The following EPHA6 variants were observed in gnomAD, a reference collection of about 807,000 sequenced individuals.
EPHA6 encodes the protein ephrin type-A receptor 6.
A neutral mutation model predicts 112.0 loss-of-function variants in EPHA6; 50 were observed. The ratio of observed to expected loss-of-function variants is 0.45; its 90% CI spans 0.36 to 0.56. The LOEUF (loss-of-function observed/expected upper bound fraction) is 0.56. EPHA6 is among the 20% of genes least tolerant of loss of function. The pLI is 0.00. For missense variants in EPHA6, 1,280 were observed against 1,417.4 expected (o/e 0.90, Z 1.56); for synonymous variants, 529 against 490.7 (o/e 1.08, Z -1.03).
At chr3:97,576,329 GT>G (rs1560153753) in intron 11 of EPHA6, among the ~76,000 whole-genome samples, 1 of 151,736 alleles carries the variant, frequency 6.6e-6, no homozygotes, top group African/African-American at 2.4e-5. Context: ...ACTTCTACTT[GT>G]CATGGGTATA....
intron 10 of EPHA6, among the ~76,000 whole-genome samples, chr3:97,498,775 A>T (rs1419690517): frequency 1.3e-5 from 2 of 152,134 alleles, no homozygotes; most frequent in Non-Finnish European, 2.9e-5. Context: ...CATGTGAGGG[A>T]CCTAGGTTGC....
chr3:97,181,789 T>C (rs2076995514), intron 3 of EPHA6, among the ~76,000 whole-genome samples: 2 of 152,092 alleles, frequency 1.3e-5, no homozygotes. Context: ...ATGGGAAAAC[T>C]AGATTTATAG....
At chr3:97,324,405 T>TTTTCTTTTCTTTC (rs1461599434) in intron 5 of EPHA6, among the ~76,000 whole-genome samples, 11 of 104,492 alleles carry the variant, frequency 1.1e-4, no homozygotes, top group Non-Finnish European at 1.5e-4. Context: ...GCTTTCCTTC[T>TTTTCTTTTCTTTC]TTTCTTTCTT....
intron 15 of EPHA6, among the ~76,000 whole-genome samples, chr3:97,734,816 C>A (rs1300137744): frequency 1.3e-5 from 2 of 151,956 alleles, no homozygotes; most frequent in Non-Finnish European, 2.9e-5. Flanking sequence ...TAAACACTTT[C>A]TTTTGTCTTT....
At chr3:97,508,396 A>T (rs573621301) in intron 10 of EPHA6, among the ~76,000 whole-genome samples, 2 of 152,204 alleles carry the variant, frequency 1.3e-5, no homozygotes, top group South Asian at 2.1e-4. Context: ...GAACTTATTT[A>T]TTTCTGCCTT....
intron 2 of EPHA6, among the ~76,000 whole-genome samples, chr3:96,916,866 A>G (rs1241321742): frequency 1.3e-5 from 2 of 152,194 alleles, no homozygotes; most frequent in Non-Finnish European, 1.5e-5. Flanking sequence ...AATAACCAAT[A>G]CAATTTGCAA....
intron 3 of EPHA6, among the ~76,000 whole-genome samples, chr3:97,026,879 G>A (rs2044657603): frequency 6.6e-6 from 1 of 152,112 alleles, no homozygotes; most frequent in Admixed American, 6.6e-5. Context: ...AGACACTGTG[G>A]TGATTCTTCA....
rs1420700181 is a variant in EPHA6, at chr3:96,987,384, G to A, written c.505G>A (p.Val169Ile). 6.2e-6 allele frequency: 10 copies of A among 1,613,712 alleles called. No homozygotes were observed. Among genetic ancestry groups the A allele is most frequent in the Admixed American group, 1.7e-5 (1 of 59,980 alleles). Residue 169 changes from valine (V) to isoleucine (I), a missense_variant, in exon 3 of 18, where the codon GTA becomes ATA. By Grantham distance (29) the Val-to-Ile change is conservative. Around this residue, in one of 4 missense-constraint regions of EPHA6, gnomAD observed 878 missense variants for 999.7 expected, o/e 0.88. Coordinates refer to ENST00000389672, the MANE Select transcript of EPHA6 (RefSeq NM_001080448.3). ...EHNRPIHTYQ[V>I]CNVMEPNQNN... is the part of the protein sequence containing the mutation. ...TAATAGGCCCATTCACACATACCAGGTATGTAATGTAATGGAACCAAACCA... is the reference window on the plus strand; with the variant it reads ...TAATAGGCCCATTCACACATACCAGATATGTAATGTAATGGAACCAAACCA...
intron 5 of EPHA6, among the ~76,000 whole-genome samples, chr3:97,403,843 GTGT>G (rs1256113043): frequency 1.3e-5 from 2 of 152,182 alleles, no homozygotes; most frequent in African/African-American, 4.8e-5. Context: ...TAACCTTGTA[GTGT>G]TTATCCTATT....
intron 3 of EPHA6, among the ~76,000 whole-genome samples, chr3:97,147,942 G>A (rs2108367854): frequency 6.6e-6 from 1 of 152,144 alleles, no homozygotes. Flanking sequence ...TTTGACAAAT[G>A]TAATATGATA....
intron 5 of EPHA6, among the ~76,000 whole-genome samples, chr3:97,350,168 G>T (rs926315985): frequency 2.0e-5 from 3 of 151,934 alleles, no homozygotes; most frequent in Admixed American, 1.3e-4. Flanking sequence ...GAGATATCTG[G>T]AATATTAACA....
At chr3:97,381,798 T>G (rs1235545063) in intron 5 of EPHA6, among the ~76,000 whole-genome samples, 2 of 152,124 alleles carry the variant, frequency 1.3e-5, no homozygotes, top group Non-Finnish European at 2.9e-5. Flanking sequence ...AAGAAACTTT[T>G]AGTCAGCTGT....
At chr3:97,458,951 A>G (rs1480056519) in intron 7 of EPHA6, among the ~76,000 whole-genome samples, 1 of 152,184 alleles carries the variant, frequency 6.6e-6, no homozygotes, top group African/African-American at 2.4e-5. Context: ...AGAATATTAA[A>G]CAAGATTCCA....
chr3:97,093,178 G>A (rs2047126536), intron 3 of EPHA6, among the ~76,000 whole-genome samples: 1 of 152,122 alleles, frequency 6.6e-6, no homozygotes, highest in African/African-American at 2.4e-5. Flanking sequence ...ATAACTTTTG[G>A]TGGATATCTA....
chr3:97,152,621 C>T (rs1019555345), intron 3 of EPHA6, among the ~76,000 whole-genome samples: 2 of 151,940 alleles, frequency 1.3e-5, no homozygotes, highest in Admixed American at 6.6e-5. Flanking sequence ...TTGCTTTGAC[C>T]GAGGATTCAG....
intron 2 of EPHA6, among the ~76,000 whole-genome samples, chr3:96,978,907 T>C (rs1237206992): frequency 6.6e-6 from 1 of 152,228 alleles, no homozygotes; most frequent in African/African-American, 2.4e-5. Context: ...GGAAATATTA[T>C]AATTTCATAA....
chr3:97,673,583 G>A (rs957117132), intron 14 of EPHA6, among the ~76,000 whole-genome samples: 2 of 152,168 alleles, frequency 1.3e-5, no homozygotes, highest in Admixed American at 1.3e-4. Context: ...ACTCTACTCT[G>A]AGTCATATGT....
chr3:97,383,451 G>A (rs550481645), intron 5 of EPHA6, among the ~76,000 whole-genome samples: 30 of 152,076 alleles, frequency 2.0e-4, no homozygotes, highest in African/African-American at 6.0e-4. Flanking sequence ...CCCTGAAAAC[G>A]AAATTCCAGC....
intron 3 of EPHA6, among the ~76,000 whole-genome samples, chr3:97,082,895 A>G (rs1223585339): frequency 6.6e-6 from 1 of 151,990 alleles, no homozygotes; most frequent in Non-Finnish European, 1.5e-5. Flanking sequence ...GTTTACTATA[A>G]TCATTTTGAA....
Sources: allele counts gnomAD v4.1 joint callset (sites outside exome capture counted in the v4.1 genomes callset), GRCh38; gene constraint gnomAD v4.1.1; regional missense constraint gnomAD v4.1.1; transcripts MANE v1.5; gene names NCBI Gene and HGNC (gene_info 2026-07-23, HGNC 2026-07-21).